GPAM: variants seen among roughly 807,000 people sequenced by gnomAD.
GPAM encodes glycerol-3-phosphate acyltransferase 1, mitochondrial.
In GPAM, 56 loss-of-function variants were observed where a neutral mutation model predicts 105.0. The ratio of observed to expected loss-of-function variants is 0.53; its 90% CI spans 0.43 to 0.67. The LOEUF is 0.67. Among genes scored for constraint, GPAM ranks in the 30% least tolerant of loss-of-function variants. The pLI, the probability that GPAM is intolerant of heterozygous loss-of-function variation, is 0.00. For missense variants in GPAM, 855 were observed against 989.8 expected, an observed-to-expected ratio of 0.86 and a Z score of 1.83; for synonymous variants, 368 against 354.4, an observed-to-expected ratio of 1.04 and a Z score of -0.43.
At chr10:112,225,144 A>C in the GPAM span, among the ~76,000 whole-genome samples, 1 of 152,224 alleles carries the variant, frequency 6.6e-6, no homozygotes, top group South Asian at 2.1e-4. Context: ...CCCAACCTGG[A>C]TTTCAGCTTC....
chr10:112,174,251 CTTAAT>C (rs1400170917), intron 6 of GPAM, among the ~76,000 whole-genome samples: 1 of 152,092 alleles, frequency 6.6e-6, no homozygotes, highest in African/African-American at 2.4e-5. Flanking sequence ...CTTTTGAAGA[CTTAAT>C]TTACTTTTAA....
chr10:112,209,514 A>G (rs1405524866), intron 1 of GPAM, among the ~76,000 whole-genome samples: 1 of 152,060 alleles, frequency 6.6e-6, no homozygotes, highest in African/African-American at 2.4e-5. Context: ...CCACTGAGCA[A>G]AAGTTCAGCT....
intron 9 of GPAM, among the ~76,000 whole-genome samples, chr10:112,170,388 C>T (rs538713570): frequency 2.0e-4 from 31 of 152,342 alleles, no homozygotes; most frequent in Non-Finnish European, 3.4e-4. Context: ...GGGCTAACTA[C>T]AGCCTGCTGT....
At chr10:112,223,796 C>T in the GPAM span, among the ~76,000 whole-genome samples, 26 of 152,120 alleles carry the variant, frequency 1.7e-4, no homozygotes, top group Admixed American at 1.3e-4. Flanking sequence ...CAAAAGCTGC[C>T]AATATAAACA....
the GPAM span, among the ~76,000 whole-genome samples, chr10:112,223,413 GGTGT>G: frequency 5.3e-5 from 8 of 152,268 alleles, no homozygotes; most frequent in African/African-American, 1.7e-4. Flanking sequence ...CTAAATATGT[GGTGT>G]GTAACTCTTA....
intron 9 of GPAM, among the ~76,000 whole-genome samples, chr10:112,170,345 A>G (rs1228323830): frequency 6.6e-6 from 1 of 152,248 alleles, no homozygotes; most frequent in South Asian, 2.1e-4. Flanking sequence ...GTAGACTGTC[A>G]TGTAACAAAA....
chr10:112,170,580 C>T lies in GPAM; in HGVS notation c.794+1602G>A, dbSNP rs556892192. 5.9e-5 allele frequency among the ~76,000 whole-genome samples: 9 copies of T among 152,270 alleles called. No homozygotes were observed. The South Asian group carries it at 1.9e-3, about 32-fold the overall frequency. ...AGAGAAGCAAGGCTTCTCTAGAGCC[C>T]CAGTGGAATAGTCCTCTTCCCTCTA... On this transcript the variant is annotated intron_variant, in intron 9 of 21. Transcript: ENST00000348367.
At chr10:112,178,827 T>C (rs12783877) in intron 4 of GPAM, among the ~76,000 whole-genome samples, 3,030 of 152,312 alleles carry the variant, frequency 0.02, 53 homozygotes, top group Non-Finnish European at 0.033. Context: ...GATTCAATCT[T>C]ATGTCTTGAT....
rs371572832 is a variant in GPAM at position 112,176,841 on chromosome 10, C to T, written c.300-1128G>A. 5.9e-5 allele frequency among the ~76,000 whole-genome samples: 9 copies of T among 152,264 alleles called. No homozygotes were observed. The East Asian group carries it at 1.5e-3, about 26-fold the overall frequency. Reference sequence around the variant, plus strand: ...GTTTTAGGCTTTGCTTCATAGAATACACAGAAGAAGTAAATAGCTGAACAT... The same window carrying T: ...GTTTTAGGCTTTGCTTCATAGAATATACAGAAGAAGTAAATAGCTGAACAT... On this transcript the variant is annotated intron_variant, in intron 5 of 21. Coordinates refer to ENST00000348367, the MANE Select transcript of GPAM (RefSeq NM_001244949.2).
chr10:112,176,143 T>C (rs1847400347), intron 5 of GPAM, among the ~76,000 whole-genome samples: 1 of 152,064 alleles, frequency 6.6e-6, no homozygotes, highest in Non-Finnish European at 1.5e-5. Flanking sequence ...CAAAGACTAA[T>C]TTTTTTTGTT....
chr10:112,203,531 T>G (rs1847823775), intron 1 of GPAM, among the ~76,000 whole-genome samples: 1 of 152,208 alleles, frequency 6.6e-6, no homozygotes, highest in Admixed American at 6.5e-5. Flanking sequence ...GCCTTTTTTC[T>G]TGTCAGTAAC....
chr10:112,187,504 G>C (rs1229320210), upstream of GPAM, among the ~76,000 whole-genome samples: 1 of 151,978 alleles, frequency 6.6e-6, no homozygotes, highest in East Asian at 1.9e-4. Flanking sequence ...TCATAATGAG[G>C]ACAAACTGAT....
In GPAM at chr10:112,178,058, C is replaced by T; in HGVS notation, c.226-1G>A. The T allele has an allele frequency of 6.5e-7, 1 of 1,537,860 alleles. No individual in the cohort carries two copies. The highest frequency in any genetic ancestry group is 9.0e-7 in the Non-Finnish European group (1 of 1,111,058). ...GGATACTGGGGTTGAAAAATTTGTC[C>T]TATATAAAACAAAGTAAATGTAGAC... On this transcript the variant is annotated splice_acceptor_variant, in intron 4 of 21. Coordinates refer to ENST00000348367, the MANE Select transcript of GPAM (RefSeq NM_001244949.2). LOFTEE classifies it high-confidence loss of function.
chr10:112,213,067 A>C (rs1402999655), intron 1 of GPAM, among the ~76,000 whole-genome samples: 3 of 152,174 alleles, frequency 2.0e-5, no homozygotes, highest in African/African-American at 7.2e-5. Context: ...TAATCACTGT[A>C]TTCTCAAAGC....
At position 112,152,628 on chromosome 10, in the gene GPAM, G is replaced by A. The variant is rs1661701649; in HGVS notation, c.*922C>T. 1.0e-6 allele frequency: 1 copy of A among 985,186 alleles called. No homozygotes were observed. The highest frequency in any genetic ancestry group is 1.2e-6 in the Non-Finnish European group (1 of 829,830). 61.0% of individuals were successfully genotyped at this position (985,186 alleles called of 1,614,324 possible). A position where few individuals can be genotyped will look rare whatever the true frequency, so the allele number is the denominator to read the frequency against. On this transcript the variant is annotated 3_prime_UTR_variant, in exon 22 of 22. Coordinates refer to ENST00000348367, the MANE Select transcript of GPAM (RefSeq NM_001244949.2). ...GTATTCTAACAGTCTGTCAGCTCAA[G>A]CTAATCAAGTTAGGAAAACTGCTAT...
chr10:112,154,643 A>G lies in GPAM; in HGVS notation c.2356T>C (p.Phe786Leu), dbSNP rs1267602335. The change falls in exon 21 of 22, where the codon TTT becomes CTT. Residue 786 changes from phenylalanine (F) to leucine (L), a missense_variant. Transcript: ENST00000348367. ...YCLVKNAVKM[F>L]KDIGVFKETK... Reference sequence around the variant, plus strand: ...TGGACACCTACCCCAATATCCTTAAACATTTTCACAGCATTCTTCACAAGA... The same window carrying G: ...TGGACACCTACCCCAATATCCTTAAGCATTTTCACAGCATTCTTCACAAGA... 1 of 1,606,944 alleles carries G rather than the reference A, an allele frequency of 6.2e-7. No homozygotes were observed. Among genetic ancestry groups the G allele is most frequent in the Non-Finnish European group, 8.5e-7 (1 of 1,173,498 alleles).
chr10:112,208,043 T>C (rs1315040939), intron 1 of GPAM, among the ~76,000 whole-genome samples: 4 of 152,236 alleles, frequency 2.6e-5, no homozygotes, highest in African/African-American at 9.6e-5. Context: ...TTGTTGTATC[T>C]GTCAAGCTTG....
At chr10:112,154,587 G>C (rs923136082) in intron 21 of GPAM, 42 bp downstream of exon 21, 2 of 1,351,374 alleles carry the variant, frequency 1.5e-6, no homozygotes, top group Non-Finnish European at 2.1e-6. Context: ...AAAGAGAACA[G>C]AAGTTGAGAT....
chr10:112,210,209 G>A (rs576074396), intron 1 of GPAM, among the ~76,000 whole-genome samples: 4 of 152,286 alleles, frequency 2.6e-5, no homozygotes, highest in African/African-American at 4.8e-5. Context: ...TTCCTCTTAC[G>A]AGCTGTTGGG....
Sources: gnomAD v4.1 joint callset for allele counts (sites outside exome capture counted in the v4.1 genomes callset) on GRCh38, gnomAD v4.1.1 for gene constraint, MANE v1.5 for transcripts, NCBI Gene and HGNC (gene_info 2026-07-23, HGNC 2026-07-21) for gene names.